Variants in LMNTD1 observed in about 807,000 individuals in gnomAD.
LMNTD1 encodes the protein lamin tail domain containing 1.
LMNTD1 carries 35 observed loss-of-function variants against 50.9 expected under a neutral mutation model. The observed-to-expected ratio is 0.69, with a 90% confidence interval of 0.53 to 0.91. The LOEUF (loss-of-function observed/expected upper bound fraction) is 0.91, where lower values mean the gene tolerates loss of function less well. LMNTD1 is among the 40% of genes least tolerant of loss of function. The pLI, the probability that LMNTD1 is intolerant of heterozygous loss-of-function variation, is 0.00. For synonymous variants in LMNTD1, 153 were observed against 161.9 expected (o/e 0.94, Z 0.42); for missense variants, 470 against 475.5 (o/e 0.99, Z 0.11).
At chr12:25,605,342 T>G (rs1565514964) in intron 1 of LMNTD1, among the ~76,000 whole-genome samples, 1 of 152,084 alleles carries the variant, frequency 6.6e-6, no homozygotes, top group Admixed American at 6.6e-5. Context: ...GAAGCTCTAG[T>G]TTAATTAGAT....
intron 1 of LMNTD1, among the ~76,000 whole-genome samples, chr12:25,639,783 G>T (rs1176182143): frequency 6.6e-6 from 1 of 151,856 alleles, no homozygotes; most frequent in Non-Finnish European, 1.5e-5. Context: ...TTATGACTCG[G>T]CAATTCCACA....
At chr12:25,601,604 C>A (rs180779336) in intron 1 of LMNTD1, among the ~76,000 whole-genome samples, 2 of 151,684 alleles carry the variant, frequency 1.3e-5, no homozygotes, top group Non-Finnish European at 2.9e-5. Context: ...CTACTATGTA[C>A]CCACAAAAAT....
chr12:25,628,910 G>T (rs1216116969), intron 1 of LMNTD1, among the ~76,000 whole-genome samples: 2 of 152,114 alleles, frequency 1.3e-5, no homozygotes, highest in African/African-American at 4.8e-5. Context: ...TTGGTAATTT[G>T]TTAAAGCAGC....
intron 9 of LMNTD1, among the ~76,000 whole-genome samples, chr12:25,484,337 A>C (rs920954744): frequency 2.0e-5 from 3 of 151,840 alleles, no homozygotes; most frequent in African/African-American, 7.3e-5. Flanking sequence ...GAGTTCAAAC[A>C]AACCTCTGGC....
intron 4 of LMNTD1, among the ~76,000 whole-genome samples, chr12:25,530,819 A>G (rs888766469): frequency 2.0e-5 from 3 of 152,206 alleles, no homozygotes; most frequent in African/African-American, 7.2e-5. Context: ...GATGGCAAAA[A>G]GGACTTTGCA....
intron 1 of LMNTD1, among the ~76,000 whole-genome samples, chr12:25,620,673 A>C (rs1156778820): frequency 6.6e-6 from 1 of 152,080 alleles, no homozygotes; most frequent in East Asian, 1.9e-4. Context: ...TTCTTTCCTT[A>C]GGTTGAACTT....
At chr12:25,573,139 C>A (rs1420028858) in intron 1 of LMNTD1, among the ~76,000 whole-genome samples, 1 of 152,158 alleles carries the variant, frequency 6.6e-6, no homozygotes, top group Non-Finnish European at 1.5e-5. Context: ...GAGAATCCAT[C>A]TGGTCAGTCC....
At chr12:25,527,671 TATATATATATACACACACACACAC>T (rs1277886351) in intron 4 of LMNTD1, among the ~76,000 whole-genome samples, 4 of 22,024 alleles carry the variant, frequency 1.8e-4, no homozygotes, top group East Asian at 1.4e-3. Context: ...TATATATATA[TATATATATATACACACACACACAC>T]ACACACACAC....
intron 1 of LMNTD1, among the ~76,000 whole-genome samples, chr12:25,633,691 G>A (rs1946765660): frequency 6.6e-6 from 1 of 152,118 alleles, no homozygotes; most frequent in Admixed American, 6.5e-5. Flanking sequence ...TAAGAGGAAA[G>A]TTCATAGCCC....
intron 1 of LMNTD1, among the ~76,000 whole-genome samples, chr12:25,632,609 C>G (rs1276439630): frequency 6.6e-6 from 1 of 152,132 alleles, no homozygotes; most frequent in Non-Finnish European, 1.5e-5. Flanking sequence ...GAGAATTCAC[C>G]ACTACCAAGC....
intron 1 of LMNTD1, among the ~76,000 whole-genome samples, chr12:25,607,064 G>T (rs1305473577): frequency 6.6e-6 from 1 of 151,952 alleles, no homozygotes; most frequent in African/African-American, 2.4e-5. Context: ...GTCTTGGGAG[G>T]GTGTATGTTT....
At chr12:25,591,394 G>T (rs1096020) in intron 1 of LMNTD1, among the ~76,000 whole-genome samples, 6,635 of 152,308 alleles carry the variant, frequency 0.044, 164 homozygotes, top group Middle Eastern at 0.099. Context: ...CTGTGGTGGT[G>T]GTGGCCACAG....
chr12:25,588,957 T>G (rs1945619701), intron 1 of LMNTD1, among the ~76,000 whole-genome samples: 1 of 152,170 alleles, frequency 6.6e-6, no homozygotes, highest in Admixed American at 6.5e-5. Context: ...TCATAAAATA[T>G]GTTTTAAAAG....
chr12:25,477,291 T>C (rs763061847), intron 9 of LMNTD1, among the ~76,000 whole-genome samples: 3 of 151,948 alleles, frequency 2.0e-5, no homozygotes, highest in Non-Finnish European at 4.4e-5. Flanking sequence ...GCTGGGGACA[T>C]CTTTGACTTC....
intron 7 of LMNTD1, among the ~76,000 whole-genome samples, 179 bp downstream of exon 7, chr12:25,519,679 A>G (rs1941135583): frequency 6.6e-6 from 1 of 150,794 alleles, no homozygotes; most frequent in African/African-American, 2.4e-5. Flanking sequence ...ATGAGTATTT[A>G]CCTGCTCATT....
At chr12:25,532,986 A>AT (rs138273406) in intron 4 of LMNTD1, among the ~76,000 whole-genome samples, 90 of 152,252 alleles carry the variant, frequency 5.9e-4, no homozygotes, top group African/African-American at 2.1e-3. Context: ...TTCCTTTGTT[A>AT]TTATACATAT....
intron 1 of LMNTD1, among the ~76,000 whole-genome samples, chr12:25,616,779 G>GA (rs921878718): frequency 6.6e-6 from 1 of 151,660 alleles, no homozygotes; most frequent in Non-Finnish European, 1.5e-5. Context: ...TAACATTCTG[G>GA]AAAAAAAGCG....
chr12:25,539,977 G>A, intron 4 of LMNTD1, among the ~76,000 whole-genome samples: 1 of 149,564 alleles, frequency 6.7e-6, no homozygotes, highest in African/African-American at 2.5e-5. Context: ...AAATCTAGAA[G>A]AAATGGATAA....
chr12:25,522,339 T>G (rs997011205), intron 6 of LMNTD1, among the ~76,000 whole-genome samples: 2 of 152,174 alleles, frequency 1.3e-5, no homozygotes, highest in African/African-American at 4.8e-5. Context: ...CAAGGCAATA[T>G]TTTATTTTCC....
Sources: gnomAD v4.1 joint callset for allele counts (sites outside exome capture counted in the v4.1 genomes callset) on GRCh38, gnomAD v4.1.1 for gene constraint, MANE v1.5 for transcripts, NCBI Gene and HGNC (gene_info 2026-07-23, HGNC 2026-07-21) for gene names.